The following FKBP9 variants were observed in gnomAD, a reference collection of about 807,000 sequenced individuals.
The protein encoded by FKBP9 is FKBP prolyl isomerase 9.
A neutral mutation model predicts 55.6 loss-of-function variants in FKBP9; 27 were observed. That is an observed-to-expected ratio of 0.49 (90% confidence interval 0.36 to 0.67). FKBP9 has a LOEUF of 0.67. FKBP9 is among the 30% of genes least tolerant of loss of function. The pLI is 0.00. For missense variants in FKBP9, 539 were observed against 742.8 expected (o/e 0.73, Z 3.19); for synonymous variants, 267 against 296.5 (o/e 0.90, Z 1.02).
intron 1 of FKBP9, among the ~76,000 whole-genome samples, chr7:32,973,100 CATTTT>C (rs1349404490): frequency 3.9e-5 from 6 of 152,100 alleles, no homozygotes; most frequent in Non-Finnish European, 8.8e-5. Flanking sequence ...TGCCATAGAG[CATTTT>C]ATTTTATGTC....
intron 6 of FKBP9, among the ~76,000 whole-genome samples, chr7:32,992,374 C>T (rs1353684293): frequency 6.6e-6 from 1 of 151,940 alleles, no homozygotes; most frequent in African/African-American, 2.4e-5. Context: ...GGAAACCCAC[C>T]ACCAGCAGAG....
chr7:32,978,108 G>A (rs1784401750), intron 4 of FKBP9, among the ~76,000 whole-genome samples: 1 of 151,360 alleles, frequency 6.6e-6, no homozygotes, highest in Non-Finnish European at 1.5e-5. Context: ...TTTTAGTAGA[G>A]ACAGCATTTC....
At chr7:32,979,468 G>C in intron 4 of FKBP9, 1 of 1,505,262 alleles carries the variant, frequency 6.6e-7, no homozygotes, top group Non-Finnish European at 9.0e-7. Context: ...TCATTCCTTG[G>C]ATGGGAAGGA....
At chr7:32,960,108 C>CTTTTTTT (rs398004304) in intron 1 of FKBP9, among the ~76,000 whole-genome samples, 35 of 98,606 alleles carry the variant, frequency 3.5e-4, no homozygotes, top group Non-Finnish European at 4.2e-4. Flanking sequence ...TTGTACTTGT[C>CTTTTTTT]TTTTTTTTTT....
At chr7:32,970,833 G>T (rs1784237380) in intron 1 of FKBP9, among the ~76,000 whole-genome samples, 1 of 151,892 alleles carries the variant, frequency 6.6e-6, no homozygotes, top group Non-Finnish European at 1.5e-5. Flanking sequence ...AGTTAAAAGA[G>T]ATATTTTTAC....
chr7:32,989,472 G>C (rs1464853505), intron 6 of FKBP9, among the ~76,000 whole-genome samples: 1 of 152,030 alleles, frequency 6.6e-6, no homozygotes, highest in Non-Finnish European at 1.5e-5. Flanking sequence ...CTGGAGTACA[G>C]TGGCACGATC....
chr7:32,992,670 G>T, intron 6 of FKBP9: 1 of 193,358 alleles, frequency 5.2e-6, no homozygotes, highest in Non-Finnish European at 1.1e-5. Flanking sequence ...CCTTGGTGCT[G>T]CCTGGGGTAG....
intron 1 of FKBP9, 140 bp downstream of exon 1, chr7:32,957,934 C>T (rs2127974126): frequency 1.4e-6 from 1 of 692,250 alleles, no homozygotes; most frequent in Non-Finnish European, 2.2e-6. Flanking sequence ...CCAGATCCTC[C>T]CGGACCCCAG....
At chr7:32,960,014 C>G (rs1357760128) in intron 1 of FKBP9, among the ~76,000 whole-genome samples, 1 of 151,922 alleles carries the variant, frequency 6.6e-6, no homozygotes, top group East Asian at 1.9e-4. Flanking sequence ...AATAGCCAAC[C>G]TGTTTCCCCA....
At chr7:32,991,788 G>A (rs1431944030) in intron 6 of FKBP9, among the ~76,000 whole-genome samples, 5 of 152,270 alleles carry the variant, frequency 3.3e-5, no homozygotes, top group Admixed American at 2.0e-4. Context: ...TTCTGCCTGC[G>A]AGGATGTGTA....
intron 3 of FKBP9, among the ~76,000 whole-genome samples, chr7:32,976,133 C>T (rs1419672440): frequency 6.6e-6 from 1 of 152,158 alleles, no homozygotes; most frequent in African/African-American, 2.4e-5. Flanking sequence ...AATAGCTGGC[C>T]TGTTTTTGTC....
At position 32,995,796 on chromosome 7, in the gene FKBP9, G is replaced by A. The variant is rs116833472; in HGVS notation, c.1040-367G>A. 7.8e-3 allele frequency among the ~76,000 whole-genome samples: 1,186 copies of A among 152,256 alleles called. 12 individuals carry two copies. The highest frequency in any genetic ancestry group is 0.026 in the African/African-American group (1,099 of 41,530). On this transcript the variant is annotated intron_variant, in intron 6 of 9. Transcript: ENST00000242209. ...CCCACCTCTTACTTCCAGTGGGCAAGGGGCAAGTATTAATTTGGCTGGGTT... is the reference window on the plus strand; with the variant it reads ...CCCACCTCTTACTTCCAGTGGGCAAAGGGCAAGTATTAATTTGGCTGGGTT...
At chr7:32,973,021 ATTGTAACCTGCCCTTTACTCTTATTGT>A (rs1294174832) in intron 1 of FKBP9, among the ~76,000 whole-genome samples, 1 of 152,104 alleles carries the variant, frequency 6.6e-6, no homozygotes, top group Non-Finnish European at 1.5e-5. Context: ...CACGCCTGGC[ATTGTAACCTGCCCTTTACTCTTATTGT>A]ATATATCCCT....
At chr7:32,984,881 A>T (rs1043340407) in intron 5 of FKBP9, among the ~76,000 whole-genome samples, 2 of 152,146 alleles carry the variant, frequency 1.3e-5, no homozygotes, top group African/African-American at 4.8e-5. Flanking sequence ...CTAAATTCTT[A>T]TATGTACTTT....
rs536276932 is a variant in FKBP9, at chr7:32,963,748, C to G, written c.221+5954C>G. 3.9e-6 allele frequency: 5 copies of G among 1,287,136 alleles called. No homozygotes were observed. The East Asian group carries it at 1.6e-4, about 40-fold the overall frequency. 79.7% of individuals were successfully genotyped at this position (1,287,136 alleles called of 1,614,324 possible). ...AAGGGGTTGCAAACGGGGCTTCATT[C>G]TCTCCCACTAGAAAAAGAGTGCTCC... is the stretch of plus-strand genomic sequence containing the variant. On this transcript the variant is annotated intron_variant, in intron 1 of 9. Coordinates refer to ENST00000242209, the MANE Select transcript of FKBP9 (RefSeq NM_007270.5).
rs571541437 is a variant in FKBP9, at chr7:33,006,330, A to C, written c.*979A>C. 11 of 193,280 alleles carry C rather than the reference A, an allele frequency of 5.7e-5. No individual in the cohort carries two copies. In the South Asian group the frequency reaches 1.2e-3, roughly 20 times the overall value. The allele number at this position is 193,280 out of a possible 1,614,324, so 12.0% of individuals were successfully genotyped here. ...ACGGGGTTTCACTGTGTTGGCCAGG[A>C]TGGTCTCAATCTCGACCTCGTGATC... is the stretch of plus-strand genomic sequence containing the variant. On this transcript the variant is annotated 3_prime_UTR_variant, in exon 10 of 10. Transcript: ENST00000242209.
chr7:32,976,636 A>T (rs1562566834), intron 4 of FKBP9, 137 bp downstream of exon 4: 1 of 1,241,396 alleles, frequency 8.1e-7, no homozygotes, highest in East Asian at 2.5e-5. Flanking sequence ...ACCACTAGCT[A>T]CATGTGGCTA....
intron 1 of FKBP9, among the ~76,000 whole-genome samples, chr7:32,962,419 A>G (rs1298856684): frequency 1.3e-5 from 2 of 152,128 alleles, no homozygotes; most frequent in Non-Finnish European, 2.9e-5. Context: ...TAAATAAAAG[A>G]ATCATGAACT....
chr7:32,970,756 T>C (rs1457337596), intron 1 of FKBP9, among the ~76,000 whole-genome samples: 1 of 151,910 alleles, frequency 6.6e-6, no homozygotes, highest in Non-Finnish European at 1.5e-5. Flanking sequence ...AAGTCCAATG[T>C]TTATTAGTTT....
Sources: allele counts gnomAD v4.1 joint callset (sites outside exome capture counted in the v4.1 genomes callset), GRCh38; gene constraint gnomAD v4.1.1; transcripts MANE v1.5; gene names NCBI Gene and HGNC (gene_info 2026-07-23, HGNC 2026-07-21).